Variants in REPS2 observed in about 807,000 individuals in gnomAD.
REPS2 encodes the protein ralBP1-associated Eps domain-containing protein 2.
A neutral mutation model predicts 53.6 loss-of-function variants in REPS2; 23 were observed. The observed-to-expected ratio is 0.43, with a 90% CI of 0.31 to 0.61. The LOEUF is 0.61. REPS2 is among the 20% of genes least tolerant of loss of function. The pLI, the probability that REPS2 is intolerant of heterozygous loss-of-function variation, is 0.11. For missense variants in REPS2, 446 were observed against 534.9 expected (o/e 0.83, Z 1.64); for synonymous variants, 238 against 218.6 (o/e 1.09, Z -0.78).
At chrX:17,003,203 G>A (rs1232776705) in intron 1 of REPS2, among the ~76,000 whole-genome samples, 2 of 111,862 alleles carry the variant, frequency 1.8e-5, no homozygotes, top group African/African-American at 6.5e-5. Context: ...TGCAAGGCTA[G>A]GGATGTGTTA....
chrX:17,140,114 T>C (rs2063422977), intron 17 of REPS2, among the ~76,000 whole-genome samples: 1 of 111,846 alleles, frequency 8.9e-6, no homozygotes, highest in Admixed American at 9.5e-5. Context: ...ACAGCAAAGT[T>C]TCTTAGGAGT....
chrX:17,195,666 A>G, the REPS2 span, among the ~76,000 whole-genome samples: 1 of 112,388 alleles, frequency 8.9e-6, no homozygotes, highest in Admixed American at 9.4e-5. Flanking sequence ...GGTGTTCTAG[A>G]TCTATCAGCT....
intron 1 of REPS2, among the ~76,000 whole-genome samples, chrX:16,969,313 C>G (rs1205457406): frequency 8.9e-6 from 1 of 111,798 alleles, no homozygotes; most frequent in African/African-American, 3.3e-5. Flanking sequence ...TCCTCACTTT[C>G]CAGACGGGGT....
At chrX:17,160,668 T>C in the REPS2 span, among the ~76,000 whole-genome samples, 1 of 111,825 alleles carries the variant, frequency 8.9e-6, no homozygotes. Flanking sequence ...ATACCAACTT[T>C]CATAAAAAAG....
intron 1 of REPS2, among the ~76,000 whole-genome samples, chrX:16,977,452 C>T (rs374591575): frequency 3.6e-5 from 4 of 110,894 alleles, no homozygotes; most frequent in African/African-American, 1.3e-4. Flanking sequence ...CGATCACTCA[C>T]GTCTGTAATC....
At position 17,133,546 on chromosome X, in the gene REPS2, C is replaced by T. The variant is rs747364125; in HGVS notation, c.1579-278C>T. ...TTGTTACTTTTAGAGTTTGTTGTTG[C>T]GAAGCATTAGTTTTTTAGCAATACA... On this transcript the variant is annotated intron_variant, in intron 14 of 17. Coordinates refer to ENST00000357277, the MANE Select transcript of REPS2 (RefSeq NM_004726.3). Among the ~76,000 whole-genome samples, 10 of 111,866 alleles carry T rather than the reference C, an allele frequency of 8.9e-5. No individual in the cohort carries two copies. The East Asian group carries it at 2.2e-3, about 25-fold the overall frequency.
the REPS2 span, among the ~76,000 whole-genome samples, chrX:17,173,505 A>C: frequency 1.8e-5 from 2 of 111,812 alleles, no homozygotes; most frequent in Non-Finnish European, 3.8e-5. Flanking sequence ...ATCTATCATA[A>C]TCTAACCACA....
At chrX:17,078,328 C>T (rs2147995194) in intron 13 of REPS2, among the ~76,000 whole-genome samples, 1 of 112,459 alleles carries the variant, frequency 8.9e-6, no homozygotes, top group African/African-American at 3.2e-5. Flanking sequence ...CTTTCCTTGG[C>T]TCACACATTA....
chrX:17,162,026 A>G, the REPS2 span, among the ~76,000 whole-genome samples: 6 of 112,145 alleles, frequency 5.4e-5, no homozygotes, highest in South Asian at 2.2e-3. Flanking sequence ...TTGAAAACTA[A>G]TAGCCTGCAG....
intron 13 of REPS2, among the ~76,000 whole-genome samples, chrX:17,096,679 AAAAGAAAAG>A (rs1234605672): frequency 1.3e-3 from 77 of 58,400 alleles, no homozygotes; most frequent in Non-Finnish European, 1.9e-3. Context: ...AAAAAAAAAA[AAAAGAAAAG>A]AAAAGAGGAA....
chrX:17,179,465 C>T, the REPS2 span, among the ~76,000 whole-genome samples: 1 of 111,209 alleles, frequency 9.0e-6, no homozygotes, highest in South Asian at 3.9e-4. Flanking sequence ...GACTCAGCTC[C>T]TAACTGACAG....
intron 2 of REPS2, among the ~76,000 whole-genome samples, chrX:17,008,572 A>ACT (rs1308606328): frequency 9.0e-6 from 1 of 111,540 alleles, no homozygotes; most frequent in Non-Finnish European, 1.9e-5. Context: ...TTCCTTCACC[A>ACT]CTCTCTACTA....
intron 1 of REPS2, among the ~76,000 whole-genome samples, chrX:16,983,624 T>A (rs1430676742): frequency 1.8e-5 from 2 of 112,464 alleles, no homozygotes; most frequent in Non-Finnish European, 3.8e-5. Flanking sequence ...TGCCTCAGCC[T>A]CCTGAGTAGC....
At chrX:17,066,944 C>T (rs2062233700) in intron 9 of REPS2, among the ~76,000 whole-genome samples, 1 of 112,255 alleles carries the variant, frequency 8.9e-6, no homozygotes, top group Non-Finnish European at 1.9e-5. Flanking sequence ...ACTTCAGTCT[C>T]TTTCTTCAGA....
chrX:17,044,931 T>C (rs1334252967), intron 5 of REPS2, among the ~76,000 whole-genome samples: 1 of 111,290 alleles, frequency 9.0e-6, no homozygotes, highest in Non-Finnish European at 1.9e-5. Flanking sequence ...TTTTTTTTGC[T>C]TTACTTATTT....
At chrX:17,112,000 G>T (rs1013822267) in intron 14 of REPS2, among the ~76,000 whole-genome samples, 1 of 109,698 alleles carries the variant, frequency 9.1e-6, no homozygotes, top group East Asian at 2.9e-4. Context: ...ACAGGGTCTC[G>T]CTCTGTTGTC....
chrX:17,030,199 C>G (rs2061690174), intron 5 of REPS2, among the ~76,000 whole-genome samples: 1 of 111,843 alleles, frequency 8.9e-6, no homozygotes, highest in African/African-American at 3.3e-5. Flanking sequence ...TTCAGCTTCC[C>G]TTTCTGCAGT....
intron 7 of REPS2, among the ~76,000 whole-genome samples, chrX:17,054,586 T>A (rs1238882045): frequency 8.9e-6 from 1 of 112,025 alleles, no homozygotes; most frequent in Non-Finnish European, 1.9e-5. Flanking sequence ...ACCTGAAGAA[T>A]TTAAATTTTT....
At chrX:17,026,894 C>T (rs1224953404) in intron 4 of REPS2, among the ~76,000 whole-genome samples, 1 of 111,562 alleles carries the variant, frequency 9.0e-6, no homozygotes, top group Non-Finnish European at 1.9e-5. Context: ...TTTAGGTGAT[C>T]CTCCCACCTC....
Sources: gnomAD v4.1 joint callset for allele counts (sites outside exome capture counted in the v4.1 genomes callset) on GRCh38, gnomAD v4.1.1 for gene constraint, MANE v1.5 for transcripts, NCBI Gene and HGNC (gene_info 2026-07-23, HGNC 2026-07-21) for gene names.